CACNA1E: variants seen among roughly 807,000 people sequenced by gnomAD.
The protein encoded by CACNA1E is voltage-dependent R-type calcium channel subunit alpha-1E.
CACNA1E carries 40 observed loss-of-function variants against 259.2 expected under a neutral mutation model. That is an observed-to-expected ratio of 0.15 (90% CI 0.12 to 0.20). The LOEUF (loss-of-function observed/expected upper bound fraction) is 0.20, where lower values mean the gene tolerates loss of function less well. CACNA1E is among the 10% of genes least tolerant of loss of function. The probability of loss-of-function intolerance (pLI) is 1.00; values close to 1 mark genes in which losing one functional copy is unlikely to be tolerated. For synonymous variants in CACNA1E, 1,104 were observed against 1,138.5 expected, an observed-to-expected ratio of 0.97 and a Z score of 0.61; for missense variants, 1,874 against 3,040.1, an observed-to-expected ratio of 0.62 and a Z score of 9.02.
At position 181,759,395 on chromosome 1, in the gene CACNA1E, C is replaced by CTGTGTGTGTGTGTGTGTGTG. The variant is rs10677275; in HGVS notation, c.4605+539_4605+558dup. On this transcript the variant is annotated intron_variant, in intron 32 of 47. Coordinates refer to ENST00000367573, the MANE Select transcript of CACNA1E (RefSeq NM_001205293.3). ...GGCTAATGACCTTTAAGGGGTGTGT[C>CTGTGTGTGTGTGTGTGTGTG]TGTGTGTGTGTGTGTGTGTGTGTGT... is the stretch of plus-strand genomic sequence containing the variant. 2.4e-3 allele frequency among the ~76,000 whole-genome samples: 349 copies of CTGTGTGTGTGTGTGTGTGTG among 146,986 alleles called. 2 individuals carry two copies. Among genetic ancestry groups the CTGTGTGTGTGTGTGTGTGTG allele is most frequent in the African/African-American group, 8.4e-3 (332 of 39,698 alleles).
intron 1 of CACNA1E, among the ~76,000 whole-genome samples, chr1:181,356,172 A>G (rs1003814705): frequency 6.6e-6 from 1 of 152,182 alleles, no homozygotes; most frequent in African/African-American, 2.4e-5. Context: ...CTGGCCAACA[A>G]GTGCTCCTGA....
In CACNA1E at chr1:181,448,410, T is replaced by C. The variant is rs1282786321; in HGVS notation, c.434+34830T>C. Among the ~76,000 whole-genome samples the C allele has an allele frequency of 2.6e-5, 4 of 152,234 alleles. No individual in the cohort carries two copies. In the East Asian group the frequency reaches 7.7e-4, roughly 29 times the overall value. On this transcript the variant is annotated intron_variant, in intron 2 of 11. Transcript: ENST00000524607. ...AACTTTCCTGAAGTCCAAAAGCTAG[T>C]AAACGTAGGAGTCAGGACTCAAGCT...
intron 6 of CACNA1E, among the ~76,000 whole-genome samples, chr1:181,586,985 C>T (rs1652129150): frequency 6.6e-6 from 1 of 151,926 alleles, no homozygotes; most frequent in Non-Finnish European, 1.5e-5. Context: ...GAGTGATTTC[C>T]TTGAACAGGT....
chr1:181,615,439 C>T (rs1282508321), intron 6 of CACNA1E, among the ~76,000 whole-genome samples: 4 of 152,178 alleles, frequency 2.6e-5, no homozygotes, highest in African/African-American at 7.2e-5. Flanking sequence ...CTGCTCGCCT[C>T]GGCCTCCTAA....
At chr1:181,540,780 T>C (rs944621993) in intron 3 of CACNA1E, among the ~76,000 whole-genome samples, 3 of 152,230 alleles carry the variant, frequency 2.0e-5, no homozygotes, top group African/African-American at 4.8e-5. Context: ...TTTTCCACTC[T>C]TCATCAAACC....
At chr1:181,539,132 C>G (rs932142950) in intron 3 of CACNA1E, among the ~76,000 whole-genome samples, 3 of 152,186 alleles carry the variant, frequency 2.0e-5, no homozygotes, top group Non-Finnish European at 2.9e-5. Flanking sequence ...TGGCTGGTAT[C>G]TATTCAGCTA....
At chr1:181,702,247 C>A (rs1652339841) in intron 7 of CACNA1E, among the ~76,000 whole-genome samples, 1 of 152,050 alleles carries the variant, frequency 6.6e-6, no homozygotes, top group Non-Finnish European at 1.5e-5. Context: ...ATCTTGGATG[C>A]ATGTCTCTCT....
chr1:181,380,585 A>G (rs556923849), intron 1 of CACNA1E, among the ~76,000 whole-genome samples: 5 of 152,366 alleles, frequency 3.3e-5, no homozygotes, highest in African/African-American at 1.2e-4. Flanking sequence ...GTGGCAAATA[A>G]GCACATTAAA....
At chr1:181,531,062 C>T (rs1271818027) in intron 3 of CACNA1E, among the ~76,000 whole-genome samples, 1 of 152,204 alleles carries the variant, frequency 6.6e-6, no homozygotes, top group Non-Finnish European at 1.5e-5. Context: ...CTAAGGAGAA[C>T]TCTTGAATGT....
At chr1:181,347,920 A>G (rs561961198) in intron 1 of CACNA1E, among the ~76,000 whole-genome samples, 22 of 152,384 alleles carry the variant, frequency 1.4e-4, no homozygotes, top group Admixed American at 3.9e-4. Flanking sequence ...GGCAATTTGC[A>G]TAGGCGTTAA....
At chr1:181,650,401 T>C (rs1216205523) in intron 6 of CACNA1E, among the ~76,000 whole-genome samples, 1 of 151,844 alleles carries the variant, frequency 6.6e-6, no homozygotes, top group African/African-American at 2.4e-5. Flanking sequence ...TGTGAGAGAG[T>C]GGAGTGGGGG....
chr1:181,688,167 T>C (rs543592093), intron 7 of CACNA1E, among the ~76,000 whole-genome samples: 1 of 152,216 alleles, frequency 6.6e-6, no homozygotes, highest in Admixed American at 6.5e-5. Flanking sequence ...CCCAATTGCC[T>C]TTCCTGCAAC....
At chr1:181,363,539 A>G (rs144359303) in intron 1 of CACNA1E, among the ~76,000 whole-genome samples, 3 of 152,302 alleles carry the variant, frequency 2.0e-5, no homozygotes, top group Admixed American at 6.5e-5. Context: ...GGTGAGGAGA[A>G]CAACAAGTAG....
chr1:181,569,480 A>T (rs1238385858), intron 3 of CACNA1E, among the ~76,000 whole-genome samples: 1 of 152,242 alleles, frequency 6.6e-6, no homozygotes, highest in African/African-American at 2.4e-5. Flanking sequence ...TTTAATACAC[A>T]GGGACTTTTT....
At chr1:181,546,268 G>A (rs948648126) in intron 3 of CACNA1E, among the ~76,000 whole-genome samples, 6 of 152,126 alleles carry the variant, frequency 3.9e-5, no homozygotes, top group Non-Finnish European at 7.4e-5. Context: ...GGAGCCCTGG[G>A]CTCTTGCTAG....
chr1:181,471,677 G>A (rs868649860), intron 2 of CACNA1E, among the ~76,000 whole-genome samples: 47 of 152,228 alleles, frequency 3.1e-4, no homozygotes, highest in African/African-American at 1.1e-3. Context: ...ACTTCTGTGC[G>A]GCTCTTGGGG....
intron 6 of CACNA1E, among the ~76,000 whole-genome samples, chr1:181,594,603 G>T (rs1008956927): frequency 6.6e-6 from 1 of 152,246 alleles, no homozygotes; most frequent in South Asian, 2.1e-4. Flanking sequence ...TCGCCATGTT[G>T]GCCAGACTGG....
intron 3 of CACNA1E, among the ~76,000 whole-genome samples, chr1:181,572,497 G>A (rs1292503926): frequency 6.6e-6 from 1 of 152,182 alleles, no homozygotes; most frequent in Non-Finnish European, 1.5e-5. Flanking sequence ...CTGTGCTGGT[G>A]GTGGTCAGAG....
At chr1:181,446,357 C>G (rs1161146452) in intron 2 of CACNA1E, among the ~76,000 whole-genome samples, 4 of 152,198 alleles carry the variant, frequency 2.6e-5, no homozygotes, top group Admixed American at 6.5e-5. Flanking sequence ...GGGTTTCATT[C>G]TGAGCACGTC....
Sources: allele counts gnomAD v4.1 joint callset (sites outside exome capture counted in the v4.1 genomes callset), GRCh38; gene constraint gnomAD v4.1.1; transcripts MANE v1.5; gene names NCBI Gene and HGNC (gene_info 2026-07-23, HGNC 2026-07-21).